Variants in PIWIL4 observed in about 807,000 individuals in gnomAD.
PIWIL4 encodes the protein piwi like RNA-mediated gene silencing 4.
PIWIL4 carries 50 observed loss-of-function variants against 100.9 expected under a neutral mutation model. That is an observed-to-expected ratio of 0.50 (90% confidence interval 0.39 to 0.63). The LOEUF is 0.63. Ranked by LOEUF, PIWIL4 falls within the 20% of genes least tolerant of loss-of-function variation. The probability of loss-of-function intolerance (pLI) is 0.00; values close to 1 mark genes in which losing one functional copy is unlikely to be tolerated. For synonymous variants in PIWIL4, 342 were observed against 367.5 expected, an observed-to-expected ratio of 0.93 and a Z score of 0.79; for missense variants, 887 against 1,043.3, an observed-to-expected ratio of 0.85 and a Z score of 2.06.
intron 15 of PIWIL4, among the ~76,000 whole-genome samples, chr11:94,612,122 GATCT>G (rs1948793456): frequency 6.6e-6 from 1 of 152,244 alleles, no homozygotes; most frequent in East Asian, 1.9e-4. Context: ...CTGTCAGGAT[GATCT>G]ATCTGTTGTT....
At position 94,621,014 on chromosome 11, in the gene PIWIL4, C is replaced by T; in HGVS notation, c.*22C>T. On this transcript the variant is annotated 3_prime_UTR_variant, in exon 20 of 20. Transcript: ENST00000299001. ...GTGATGGCATGAACTACTGGCATCACTAGATGGACAATCCAAGAAGAAATT... is the reference window on the plus strand; with the variant it reads ...GTGATGGCATGAACTACTGGCATCATTAGATGGACAATCCAAGAAGAAATT... 6.6e-7 allele frequency: 1 copy of T among 1,515,372 alleles called. No homozygotes were observed. Among genetic ancestry groups the T allele is most frequent in the Non-Finnish European group, 9.2e-7 (1 of 1,090,676 alleles). 93.9% of individuals were successfully genotyped at this position (1,515,372 alleles called of 1,614,324 possible). A position where few individuals can be genotyped will look rare whatever the true frequency, so the allele number is the denominator to read the frequency against.
intron 10 of PIWIL4, among the ~76,000 whole-genome samples, 169 bp from the exon 11 acceptor site, chr11:94,597,635 A>G (rs1016358572): frequency 3.9e-5 from 6 of 152,248 alleles, no homozygotes; most frequent in African/African-American, 1.4e-4. Flanking sequence ...CCCATTCCTG[A>G]ACATCCCAAA....
At chr11:94,591,295 G>T (rs1948482464) in intron 8 of PIWIL4, among the ~76,000 whole-genome samples, 1 of 152,208 alleles carries the variant, frequency 6.6e-6, no homozygotes, top group Admixed American at 6.5e-5. Context: ...TCTGCAGAAA[G>T]CCACGCTGTA....
intron 11 of PIWIL4, among the ~76,000 whole-genome samples, chr11:94,601,231 A>C (rs1297493520): frequency 6.6e-6 from 1 of 152,058 alleles, no homozygotes; most frequent in Non-Finnish European, 1.5e-5. Flanking sequence ...TAAAAGTATT[A>C]ATTTGAGGAA....
intron 15 of PIWIL4, among the ~76,000 whole-genome samples, chr11:94,614,606 G>C (rs1390127423): frequency 1.2e-4 from 18 of 152,126 alleles, no homozygotes; most frequent in Admixed American, 1.2e-3. Context: ...ACTGCACCCG[G>C]TCAGTTCCTG....
In PIWIL4 at chr11:94,605,433, A is replaced by G. The variant is rs537272836; in HGVS notation, c.1638+1377A>G. ...CACTTTTGGCAAGAGTAGCACAGCA[A>G]TGATCCTATATTCTAAGTGCATCCT... On this transcript the variant is annotated intron_variant, in intron 13 of 19. Coordinates refer to ENST00000299001, the MANE Select transcript of PIWIL4 (RefSeq NM_152431.3). 2.0e-5 allele frequency among the ~76,000 whole-genome samples: 3 copies of G among 152,316 alleles called. No individual in the cohort carries two copies. In the South Asian group the frequency reaches 6.2e-4, roughly 32 times the overall value.
At chr11:94,573,044 G>C (rs573824942) in intron 2 of PIWIL4, among the ~76,000 whole-genome samples, 2 of 152,300 alleles carry the variant, frequency 1.3e-5, no homozygotes, top group South Asian at 4.2e-4. Flanking sequence ...TATTCCCTTT[G>C]AAGGAATTGT....
At chr11:94,577,027 G>A (rs544088267) in intron 3 of PIWIL4, among the ~76,000 whole-genome samples, 36 of 152,280 alleles carry the variant, frequency 2.4e-4, no homozygotes, top group African/African-American at 5.8e-4. Flanking sequence ...GATGCTTCTC[G>A]TCTCACAAGG....
At chr11:94,595,558 C>G (rs1421480697) in intron 10 of PIWIL4, 132 bp downstream of exon 10, 5 of 715,188 alleles carry the variant, frequency 7.0e-6, no homozygotes, top group Non-Finnish European at 9.2e-6. Flanking sequence ...TTGAATTGTG[C>G]TGTCCACAGC....
intron 5 of PIWIL4, among the ~76,000 whole-genome samples, chr11:94,585,112 G>A (rs1948380415): frequency 6.6e-6 from 1 of 152,084 alleles, no homozygotes; most frequent in South Asian, 2.1e-4. Flanking sequence ...TAGGGAAGAG[G>A]TCAAAAAGGC....
At position 94,607,564 on chromosome 11, in the gene PIWIL4, G is replaced by C; in HGVS notation, c.1764G>C (p.Met588Ile). 6.2e-7 allele frequency: 1 copy of C among 1,614,138 alleles called. No homozygotes were observed. Among genetic ancestry groups the C allele is most frequent in the Non-Finnish European group, 8.5e-7 (1 of 1,180,020 alleles). ...LARTLNKQGM[M>I]MSIATKIAMQ... Reference sequence around the variant, plus strand: ...GGACCTTGAATAAACAGGGCATGATGATGAGTATCGCCACCAAGATCGCTA... The same window carrying C: ...GGACCTTGAATAAACAGGGCATGATCATGAGTATCGCCACCAAGATCGCTA... The change falls in exon 14 of 20, where the codon ATG becomes ATC. Residue 588 changes from methionine to isoleucine, a missense_variant. Coordinates refer to ENST00000299001, the MANE Select transcript of PIWIL4 (RefSeq NM_152431.3).
chr11:94,571,531 G>C (rs11020834), intron 2 of PIWIL4, among the ~76,000 whole-genome samples: 36,044 of 152,058 alleles, frequency 0.24, 4,517 homozygotes, highest in East Asian at 0.29. Flanking sequence ...AGAGAACATG[G>C]GGTGTTTGGT....
In PIWIL4 at chr11:94,567,512, C is replaced by T. The variant is rs937463026; in HGVS notation, c.-7C>T. 11 of 1,582,014 alleles carry T rather than the reference C, an allele frequency of 7.0e-6. No individual in the cohort carries two copies. Among genetic ancestry groups the T allele is most frequent in the East Asian group, 6.8e-5 (3 of 43,996 alleles). On this transcript the variant is annotated 5_prime_UTR_variant, in exon 1 of 20. Transcript: ENST00000299001. Reference sequence around the variant, plus strand: ...GCTCTTGTGGCCACTCTGGGCTCACCGGGAACATGAGTGGAAGAGCCCGAG... The same window carrying T: ...GCTCTTGTGGCCACTCTGGGCTCACTGGGAACATGAGTGGAAGAGCCCGAG...
intron 8 of PIWIL4, among the ~76,000 whole-genome samples, chr11:94,589,570 C>T (rs1392651361): frequency 6.6e-6 from 1 of 152,188 alleles, no homozygotes; most frequent in African/African-American, 2.4e-5. Flanking sequence ...TGGCCAATTC[C>T]TGCCTTTAAA....
chr11:94,613,139 A>G (rs1948805467), intron 15 of PIWIL4, among the ~76,000 whole-genome samples: 2 of 152,174 alleles, frequency 1.3e-5, no homozygotes, highest in South Asian at 2.1e-4. Context: ...TATTTCTTAT[A>G]TGGCAGGTCT....
intron 6 of PIWIL4, 37 bp from the exon 7 acceptor site, chr11:94,587,013 T>C (rs16920648): frequency 6.7e-7 from 1 of 1,487,318 alleles, no homozygotes; most frequent in Non-Finnish European, 9.3e-7. Context: ...CGGTATAACA[T>C]TGACAATATT....
intron 4 of PIWIL4, 68 bp downstream of exon 4, chr11:94,577,560 C>T (rs1948255361): frequency 4.4e-6 from 5 of 1,140,676 alleles, no homozygotes; most frequent in Admixed American, 2.5e-5. Context: ...TACACACACA[C>T]ATATATATGC....
intron 8 of PIWIL4, among the ~76,000 whole-genome samples, chr11:94,593,191 A>G (rs1432912593): frequency 2.0e-5 from 3 of 152,220 alleles, no homozygotes; most frequent in Non-Finnish European, 4.4e-5. Context: ...TCAGTAGTAG[A>G]AATGCTGGCT....
chr11:94,620,914 C>G lies in PIWIL4; in HGVS notation c.2481C>G (p.His827Gln). ...TCCCAGCACCATGTCAGTATGCTCA[C>G]AAGCTGACCTTTCTGGTGGCACAAA... ...VSVPAPCQYA[H>Q]KLTFLVAQSI... Residue 827 changes from histidine to glutamine, a missense_variant, in exon 20 of 20, where the codon CAC becomes CAG. Physicochemically the swap from His to Gln is conservative, Grantham distance 24. Around this residue, in one of 2 missense-constraint regions of PIWIL4, gnomAD observed 741 missense variants for 930.0 expected, o/e 0.80. Transcript: ENST00000299001. 6.2e-7 allele frequency: 1 copy of G among 1,613,944 alleles called. No individual in the cohort carries two copies. Among genetic ancestry groups the G allele is most frequent in the Non-Finnish European group, 8.5e-7 (1 of 1,179,966 alleles).
Sources: gnomAD v4.1 joint callset for allele counts (sites outside exome capture counted in the v4.1 genomes callset) on GRCh38, gnomAD v4.1.1 for gene constraint, gnomAD v4.1.1 regional missense constraint, MANE v1.5 for transcripts, NCBI Gene and HGNC (gene_info 2026-07-23, HGNC 2026-07-21) for gene names.